SLC26A7: variants seen among roughly 807,000 people sequenced by gnomAD.
SLC26A7 encodes the protein solute carrier family 26 member 7.
Under a neutral mutation model 82.5 loss-of-function variants are expected in SLC26A7, and 59 were observed. That is an observed-to-expected ratio of 0.72 (90% CI 0.58 to 0.89). SLC26A7 has a LOEUF of 0.89. SLC26A7 is among the 40% of genes least tolerant of loss of function. The pLI is 0.00. For synonymous variants in SLC26A7, 271 were observed against 274.3 expected (o/e 0.99, Z 0.12); for missense variants, 820 against 793.0 (o/e 1.03, Z -0.41).
At position 91,232,781 on chromosome 8, in the gene SLC26A7, G is replaced by A. The variant is rs185054427; in HGVS notation, c.-34+13776G>A. 4.6e-5 allele frequency among the ~76,000 whole-genome samples: 7 copies of A among 152,310 alleles called. No individual in the cohort carries two copies. The East Asian group carries it at 1.3e-3, about 29-fold the overall frequency. ...AATCAGGCACTGCCTATGCCTAACA[G>A]GCTTGTAATACACCTCTATGAAGCT... On this transcript the variant is annotated intron_variant, in intron 2 of 5. Transcript: ENST00000522862.
intron 15 of SLC26A7, among the ~76,000 whole-genome samples, chr8:91,380,973 A>G (rs546851376): frequency 2.0e-5 from 3 of 152,316 alleles, no homozygotes; most frequent in Admixed American, 2.0e-4. Context: ...TATATGTTAT[A>G]CTGACATAAT....
chr8:91,214,281 C>A (rs1390241031), intron 1 of SLC26A7, among the ~76,000 whole-genome samples: 1 of 152,036 alleles, frequency 6.6e-6, no homozygotes, highest in African/African-American at 2.4e-5. Flanking sequence ...GAGGCAAGAC[C>A]CCAAGTTGTA....
At chr8:91,249,026 T>C (rs1390207090), upstream of SLC26A7, among the ~76,000 whole-genome samples, 1 of 152,142 alleles carries the variant, frequency 6.6e-6, no homozygotes, top group Non-Finnish European at 1.5e-5. Flanking sequence ...TGCCCTGTTA[T>C]GTTTCTGAAT....
chr8:91,389,133 A>T (rs1251245428), intron 15 of SLC26A7, among the ~76,000 whole-genome samples: 8 of 152,208 alleles, frequency 5.3e-5, no homozygotes, highest in Non-Finnish European at 1.2e-4. Flanking sequence ...GAGTCATGTC[A>T]TAATCACCTG....
At chr8:91,344,140 A>G (rs1170487225) in intron 9 of SLC26A7, 13 of 985,296 alleles carry the variant, frequency 1.3e-5, no homozygotes, top group Admixed American at 6.2e-5. Flanking sequence ...TACTTTTGTT[A>G]TAAATGAACT....
At chr8:91,256,355 C>T (rs1252996366) in intron 2 of SLC26A7, among the ~76,000 whole-genome samples, 1 of 152,098 alleles carries the variant, frequency 6.6e-6, no homozygotes, top group Non-Finnish European at 1.5e-5. Context: ...TTCCATACAC[C>T]TGGCCAGTGA....
intron 3 of SLC26A7, among the ~76,000 whole-genome samples, chr8:91,290,878 T>G (rs1382506514): frequency 6.6e-6 from 1 of 152,178 alleles, no homozygotes; most frequent in African/African-American, 2.4e-5. Flanking sequence ...CACTTATCAA[T>G]CACTTACAAC....
At chr8:91,297,436 G>A (rs560249484) in intron 4 of SLC26A7, among the ~76,000 whole-genome samples, 2 of 151,872 alleles carry the variant, frequency 1.3e-5, no homozygotes, top group Admixed American at 6.6e-5. Context: ...TCATTTCCCC[G>A]AATGAAACTC....
chr8:91,306,488 G>A (rs1311513927), intron 4 of SLC26A7, among the ~76,000 whole-genome samples: 2 of 152,132 alleles, frequency 1.3e-5, no homozygotes, highest in East Asian at 3.8e-4. Flanking sequence ...TGTGGAACAG[G>A]TGGAGAGGAT....
At chr8:91,350,425 G>T (rs940891412) in intron 9 of SLC26A7, among the ~76,000 whole-genome samples, 1 of 142,318 alleles carries the variant, frequency 7.0e-6, no homozygotes, top group African/African-American at 2.6e-5. Context: ...TAAGGTATAC[G>T]GTTCACTTTT....
intron 11 of SLC26A7, among the ~76,000 whole-genome samples, chr8:91,356,794 T>G (rs966101375): frequency 5.9e-5 from 9 of 152,068 alleles, no homozygotes; most frequent in Admixed American, 1.3e-4. Flanking sequence ...TTTTATTCAT[T>G]ATTTTATTTC....
intron 3 of SLC26A7, among the ~76,000 whole-genome samples, chr8:91,295,101 T>C: frequency 6.6e-6 from 1 of 152,192 alleles, no homozygotes; most frequent in East Asian, 1.9e-4. Context: ...TATACTCCCC[T>C]TAAATACTGA....
chr8:91,377,645 C>T (rs1434905834), intron 15 of SLC26A7, among the ~76,000 whole-genome samples: 1 of 152,130 alleles, frequency 6.6e-6, no homozygotes, highest in Non-Finnish European at 1.5e-5. Context: ...GAGAAGTTCT[C>T]AAGTTGCCAC....
chr8:91,245,945 C>A (rs1272550951), upstream of SLC26A7, among the ~76,000 whole-genome samples: 1 of 152,162 alleles, frequency 6.6e-6, no homozygotes, highest in Admixed American at 6.5e-5. Flanking sequence ...TTTATTTCTT[C>A]CGCATTTCCC....
chr8:91,234,038 C>T (rs910169191), intron 2 of SLC26A7, among the ~76,000 whole-genome samples: 3 of 152,144 alleles, frequency 2.0e-5, no homozygotes, highest in African/African-American at 7.2e-5. Flanking sequence ...AAAACTGAAA[C>T]AAGAATAGAT....
At chr8:91,310,771 C>A (rs1439234251) in intron 4 of SLC26A7, among the ~76,000 whole-genome samples, 1 of 152,110 alleles carries the variant, frequency 6.6e-6, no homozygotes, top group East Asian at 1.9e-4. Flanking sequence ...AGTGTGCATG[C>A]AGACAGCCCA....
intron 5 of SLC26A7, among the ~76,000 whole-genome samples, chr8:91,318,778 T>C (rs1812712064): frequency 2.0e-5 from 3 of 152,184 alleles, no homozygotes; most frequent in Non-Finnish European, 2.9e-5. Flanking sequence ...AGAGGCCTGG[T>C]TGAAATTGGT....
At chr8:91,358,127 T>A (rs1004947292) in intron 11 of SLC26A7, among the ~76,000 whole-genome samples, 1 of 152,088 alleles carries the variant, frequency 6.6e-6, no homozygotes, top group African/African-American at 2.4e-5. Context: ...CTGGAGAGGA[T>A]GTGGAGAAAC....
At chr8:91,211,619 T>TTTTA (rs1554597828) in intron 1 of SLC26A7, among the ~76,000 whole-genome samples, 2,733 of 144,660 alleles carry the variant, frequency 0.019, 83 homozygotes, top group African/African-American at 0.065. Flanking sequence ...TATATATATT[T>TTTTA]TTTTTTTATT....
Sources: allele counts gnomAD v4.1 joint callset (sites outside exome capture counted in the v4.1 genomes callset), GRCh38; gene constraint gnomAD v4.1.1; transcripts MANE v1.5; gene names NCBI Gene and HGNC (gene_info 2026-07-23, HGNC 2026-07-21).